Variants in ME1 observed in about 807,000 individuals in gnomAD.
ME1 encodes NADP-dependent malic enzyme.
A neutral mutation model predicts 66.4 loss-of-function variants in ME1; 74 were observed. The ratio of observed to expected loss-of-function variants is 1.11; its 90% CI spans 0.92 to 1.35. The LOEUF is 1.35. ME1 is among the 40% of genes most tolerant of loss of function. ME1 has a pLI of 0.00. For missense variants in ME1, 750 were observed against 694.1 expected (o/e 1.08, Z -0.90); for synonymous variants, 251 against 235.6 (o/e 1.07, Z -0.60).
chr6:83,375,207 T>C (rs1270718095), intron 3 of ME1, among the ~76,000 whole-genome samples: 2 of 152,334 alleles, frequency 1.3e-5, no homozygotes, highest in East Asian at 1.9e-4. Context: ...TTTCACAATA[T>C]TGATTCTTCC....
chr6:83,240,469 T>C (rs1224776922), intron 7 of ME1, among the ~76,000 whole-genome samples: 1 of 152,174 alleles, frequency 6.6e-6, no homozygotes, highest in African/African-American at 2.4e-5. Flanking sequence ...GTTCCAATTA[T>C]ATTACTTTAC....
intron 4 of ME1, among the ~76,000 whole-genome samples, chr6:83,347,199 G>A (rs1054811364): frequency 4.6e-5 from 7 of 152,194 alleles, no homozygotes; most frequent in East Asian, 3.9e-4. Flanking sequence ...TGATCCACCC[G>A]TCTCAGCCTT....
chr6:83,283,227 C>CAAAAAAA (rs71545854), intron 6 of ME1, among the ~76,000 whole-genome samples: 14 of 28,914 alleles, frequency 4.8e-4, no homozygotes, highest in African/African-American at 6.9e-4. Flanking sequence ...GACTCCGTCT[C>CAAAAAAA]AAAAAAAAAA....
chr6:83,370,997 T>C (rs1173464771), intron 3 of ME1, among the ~76,000 whole-genome samples: 1 of 152,136 alleles, frequency 6.6e-6, no homozygotes, highest in Non-Finnish European at 1.5e-5. Context: ...ACACTTTACT[T>C]AGACCATTAA....
intron 5 of ME1, among the ~76,000 whole-genome samples, chr6:83,331,389 A>G (rs1174665720): frequency 6.6e-6 from 1 of 151,846 alleles, no homozygotes; most frequent in East Asian, 1.9e-4. Context: ...GGAGTTTAAG[A>G]CCAGCCTGGC....
chr6:83,410,051 G>A (rs762349816), intron 1 of ME1, among the ~76,000 whole-genome samples: 2 of 151,258 alleles, frequency 1.3e-5, no homozygotes, highest in Non-Finnish European at 2.9e-5. Context: ...CCGTGGTATC[G>A]CCTGAAGTCT....
At position 83,407,792 on chromosome 6, in the gene ME1, T is replaced by C; in HGVS notation, c.188A>G (p.Glu63Gly). 6.2e-7 allele frequency: 1 copy of C among 1,608,204 alleles called. No homozygotes were observed. The highest frequency in any genetic ancestry group is 1.3e-5 in the African/African-American group (1 of 74,622). ...IQVLRVVKNF[E>G]HLNSDFDRYL... is the part of the protein sequence containing the mutation. Reference sequence around the variant, plus strand: ...CCTGTCAAAGTCAGAGTTCAGATGCTCGAAATTTTTTACTACTCTAAGAAC... The same window carrying C: ...CCTGTCAAAGTCAGAGTTCAGATGCCCGAAATTTTTTACTACTCTAAGAAC... The change falls in exon 2 of 14, where the codon GAG becomes GGG. Residue 63 changes from glutamate (E) to glycine (G), a missense_variant. Coordinates refer to ENST00000369705, the MANE Select transcript of ME1 (RefSeq NM_002395.6).
At chr6:83,237,911 TG>T in intron 8 of ME1, 81 bp from the exon 9 acceptor site, 2 of 647,206 alleles carry the variant, frequency 3.1e-6, no homozygotes, top group Non-Finnish European at 5.1e-6. Context: ...ATTTTGTCTT[TG>T]TTAGTGGGAA....
intron 7 of ME1, among the ~76,000 whole-genome samples, chr6:83,250,716 A>C (rs1483920632): frequency 2.6e-5 from 4 of 152,238 alleles, no homozygotes; most frequent in Non-Finnish European, 5.9e-5. Context: ...TGTTCTCTAG[A>C]CTGAAGACAG....
At chr6:83,398,759 C>A (rs1433642931) in intron 2 of ME1, among the ~76,000 whole-genome samples, 7 of 152,072 alleles carry the variant, frequency 4.6e-5, no homozygotes, top group African/African-American at 1.7e-4. Context: ...ATCACAAGAT[C>A]AGGAGTTCAA....
At chr6:83,242,845 G>A (rs1562457173) in intron 7 of ME1, among the ~76,000 whole-genome samples, 1 of 152,072 alleles carries the variant, frequency 6.6e-6, no homozygotes, top group African/African-American at 2.4e-5. Flanking sequence ...GGCCGGCAGT[G>A]GGGAATAAGT....
chr6:83,426,752 C>T (rs921836633), intron 1 of ME1, among the ~76,000 whole-genome samples: 2 of 152,126 alleles, frequency 1.3e-5, no homozygotes, highest in African/African-American at 4.8e-5. Context: ...TCTACTGGAA[C>T]GTAACTCTTA....
At chr6:83,340,594 A>G (rs1445229406) in intron 5 of ME1, among the ~76,000 whole-genome samples, 2 of 152,078 alleles carry the variant, frequency 1.3e-5, no homozygotes, top group Non-Finnish European at 2.9e-5. Context: ...ATTTTACATG[A>G]GCAAAACACA....
chr6:83,364,308 A>G (rs1375949736), intron 3 of ME1, among the ~76,000 whole-genome samples: 3 of 152,148 alleles, frequency 2.0e-5, no homozygotes, highest in African/African-American at 7.2e-5. Context: ...TTTGGAACTC[A>G]GACTGGCTCT....
intron 6 of ME1, among the ~76,000 whole-genome samples, chr6:83,283,380 A>G (rs1562468911): frequency 6.6e-6 from 1 of 151,904 alleles, no homozygotes; most frequent in South Asian, 2.1e-4. Flanking sequence ...ATGAGAACAC[A>G]TGGACACAGG....
At chr6:83,284,406 A>G (rs1316592467) in intron 6 of ME1, among the ~76,000 whole-genome samples, 1 of 152,138 alleles carries the variant, frequency 6.6e-6, no homozygotes, top group African/African-American at 2.4e-5. Flanking sequence ...AGCCAGCATC[A>G]CCCTTCTACC....
intron 5 of ME1, among the ~76,000 whole-genome samples, chr6:83,321,015 A>C (rs1471331016): frequency 6.6e-6 from 1 of 152,122 alleles, no homozygotes; most frequent in East Asian, 1.9e-4. Flanking sequence ...AAGGAGAAGC[A>C]GGGTGGGGCA....
intron 3 of ME1, among the ~76,000 whole-genome samples, chr6:83,353,252 G>T (rs893065099): frequency 2.9e-4 from 44 of 152,146 alleles, no homozygotes; most frequent in African/African-American, 9.4e-4. Flanking sequence ...ATGGGTTGAT[G>T]TTATCAGAAG....
chr6:83,327,450 C>G (rs970057630), intron 5 of ME1, among the ~76,000 whole-genome samples: 1 of 152,202 alleles, frequency 6.6e-6, no homozygotes, highest in Non-Finnish European at 1.5e-5. Context: ...GGGTAGGTCT[C>G]TGAACTGGCC....
Sources: allele counts gnomAD v4.1 joint callset (sites outside exome capture counted in the v4.1 genomes callset), GRCh38; gene constraint gnomAD v4.1.1; transcripts MANE v1.5; gene names NCBI Gene and HGNC (gene_info 2026-07-23, HGNC 2026-07-21).